Variants in NID1 observed in about 807,000 individuals in gnomAD.
The protein encoded by NID1 is nidogen-1.
A neutral mutation model predicts 130.6 loss-of-function variants in NID1; 76 were observed. That is an observed-to-expected ratio of 0.58 (90% confidence interval 0.48 to 0.70). The LOEUF (loss-of-function observed/expected upper bound fraction) is 0.70. Among genes scored for constraint, NID1 ranks in the 30% least tolerant of loss-of-function variants. The pLI is 0.00. For synonymous variants in NID1, 665 were observed against 675.1 expected (o/e 0.98, Z 0.23); for missense variants, 1,517 against 1,664.8 (o/e 0.91, Z 1.54).
At chr1:236,029,349 G>C (rs1312664699) in intron 7 of NID1, among the ~76,000 whole-genome samples, 1 of 152,158 alleles carries the variant, frequency 6.6e-6, no homozygotes, top group African/African-American at 2.4e-5. Context: ...TAACTCATGC[G>C]TATTGTCTTT....
At chr1:236,008,009 C>T (rs752114905) in intron 12 of NID1, among the ~76,000 whole-genome samples, 21 of 152,314 alleles carry the variant, frequency 1.4e-4, no homozygotes, top group African/African-American at 4.3e-4. Context: ...CACTTAGACA[C>T]GCATACACAT....
Position 236,048,915 on chromosome 1 carries a change from T to A in NID1, c.300A>T (p.Thr100=). ...CCAGGAAAGGGGCGACTGCACCGAA[T>A]GTTGGTGGGAAGAGCCCGGGATGGG... ...KESHPGLFPP[T]FGAVAPFLAD... The change falls in exon 2 of 20, where the codon ACA becomes ACT. Residue 100 remains threonine, a synonymous_variant. Transcript: ENST00000264187. 1 of 1,614,082 alleles carries A rather than the reference T, an allele frequency of 6.2e-7. No individual in the cohort carries two copies. The highest frequency in any genetic ancestry group is 1.3e-5 in the African/African-American group (1 of 75,046).
At chr1:236,010,691 C>A (rs575507632) in intron 12 of NID1, among the ~76,000 whole-genome samples, 2 of 152,336 alleles carry the variant, frequency 1.3e-5, no homozygotes, top group East Asian at 3.9e-4. Context: ...ATAGACTATA[C>A]ATAAGCATGG....
chr1:236,009,263 G>T (rs1282673413), intron 12 of NID1, among the ~76,000 whole-genome samples: 1 of 152,170 alleles, frequency 6.6e-6, no homozygotes, highest in Non-Finnish European at 1.5e-5. Flanking sequence ...ACCATATAAG[G>T]ACTTTGCAGA....
At chr1:236,001,484 A>G (rs1177793888) in intron 12 of NID1, among the ~76,000 whole-genome samples, 1 of 152,172 alleles carries the variant, frequency 6.6e-6, no homozygotes, top group East Asian at 1.9e-4. Flanking sequence ...CAAGACTGCC[A>G]AATTTCCAAG....
chr1:235,993,646 C>T lies in NID1; in HGVS notation c.2754G>A (p.Pro918=). The T allele has an allele frequency of 1.9e-6, 3 of 1,541,638 alleles. No homozygotes were observed. The highest frequency in any genetic ancestry group is 1.8e-6 in the Non-Finnish European group (2 of 1,136,664). Reference sequence around the variant, plus strand: ...CAAGCACGGCCTGCACCCACTTACACGGGGGCGTCATCCCGGGCCTGGTCC... The same window carrying T: ...CAAGCACGGCCTGCACCCACTTACATGGGGGCGTCATCCCGGGCCTGGTCC... ...GTRTRPGMTP[P]CLSTVAPPIH... The change falls in exon 13 of 20, where the codon CCG becomes CCA. Residue 918 remains proline (P), a splice_region_variant and synonymous_variant. Coordinates refer to ENST00000264187, the MANE Select transcript of NID1 (RefSeq NM_002508.3).
chr1:236,023,050 C>T (rs1264576504), intron 9 of NID1, among the ~76,000 whole-genome samples: 2 of 125,928 alleles, frequency 1.6e-5, no homozygotes, highest in Admixed American at 8.3e-5. Flanking sequence ...CACAGCAAGA[C>T]GCCATCTCAA....
At chr1:236,034,422 CAA>C (rs144657585) in intron 5 of NID1, among the ~76,000 whole-genome samples, 12 of 92,594 alleles carry the variant, frequency 1.3e-4, no homozygotes, top group Non-Finnish European at 1.8e-4. Context: ...AACTCCATCT[CAA>C]AAAAAAAAAA....
chr1:236,045,584 T>C lies in NID1; in HGVS notation c.625A>G (p.Lys209Glu). 1 of 1,614,182 alleles carries C rather than the reference T, an allele frequency of 6.2e-7. No homozygotes were observed. Among genetic ancestry groups the C allele is most frequent in the Non-Finnish European group, 8.5e-7 (1 of 1,180,036 alleles). The change falls in exon 3 of 20, where the codon AAG becomes GAG. Residue 209 changes from lysine to glutamate, a missense_variant. By Grantham distance (56) the Lys-to-Glu change is moderately conservative. Around this residue, in one of 3 missense-constraint regions of NID1, gnomAD observed 1,329 missense variants for 1,429.2 expected, o/e 0.93. Coordinates refer to ENST00000264187, the MANE Select transcript of NID1 (RefSeq NM_002508.3). ...GCAGGAACTTGGTTGTTTTCCTTCT[T>C]TGAGAATGTCGTATGGAACTGCAGA... ...DGLQFHTTFS[K>E]KENNQVPAVV...
At position 236,048,769 on chromosome 1, in the gene NID1, G is replaced by A; in HGVS notation, c.446C>T (p.Pro149Leu). The A allele has an allele frequency of 6.2e-7, 1 of 1,613,792 alleles. No individual in the cohort carries two copies. The change falls in exon 2 of 20, where the codon CCT (proline) becomes CTT (leucine). Residue 149 changes from proline (P) to leucine (L), a missense_variant. Transcript: ENST00000264187. ...CCAAGTGACAACCACCGCGCTACTA[G>A]GCTGGAAAGAGATCTCCGGGAACCC... Reference protein sequence around the residue: ...HRGFPEISFQPSSAVVVTWES... With the variant: ...HRGFPEISFQLSSAVVVTWES...
intron 9 of NID1, among the ~76,000 whole-genome samples, chr1:236,021,193 C>T (rs1658750502): frequency 1.3e-5 from 2 of 152,248 alleles, no homozygotes; most frequent in Admixed American, 1.3e-4. Context: ...CACACACACA[C>T]ACAGCATCAT....
At chr1:236,024,039 AG>A in intron 9 of NID1, 30 bp downstream of exon 9, 1 of 1,610,460 alleles carries the variant, frequency 6.2e-7, no homozygotes, top group Non-Finnish European at 8.5e-7. Context: ...CTGATTTCCC[AG>A]CCCCAACAAG....
intron 5 of NID1, among the ~76,000 whole-genome samples, chr1:236,035,213 A>G (rs1345943998): frequency 2.8e-5 from 3 of 109,018 alleles, no homozygotes; most frequent in Non-Finnish European, 5.4e-5. Flanking sequence ...CTCATTGTTC[A>G]ATTCCCACCT....
chr1:235,993,574 C>G (rs1426949296), intron 13 of NID1, 71 bp downstream of exon 13: 2 of 1,290,804 alleles, frequency 1.5e-6, no homozygotes, highest in Non-Finnish European at 2.1e-6. Context: ...GAGCAAAGAG[C>G]GTGTTCAGCA....
At chr1:236,061,090 T>C (rs745776732) in intron 1 of NID1, among the ~76,000 whole-genome samples, 46 of 152,216 alleles carry the variant, frequency 3.0e-4, no homozygotes, top group Non-Finnish European at 5.9e-5. Context: ...AAAACCTCTT[T>C]ACAGAATATG....
chr1:236,049,677 A>T (rs867889367), intron 1 of NID1, among the ~76,000 whole-genome samples: 1 of 152,102 alleles, frequency 6.6e-6, no homozygotes, highest in Non-Finnish European at 1.5e-5. Flanking sequence ...AATAGCTAAT[A>T]TTTACTGAAT....
In NID1 at chr1:236,029,177, CA is replaced by C. The variant is rs9287272; in HGVS notation, c.1738+372del. On this transcript the variant is annotated intron_variant, in intron 7 of 19. Transcript: ENST00000264187. The stretch of plus-strand genomic sequence containing the variant: ...GGGCAACAGGAGTGAAACCCTGTCT[CA>C]AAAAAAAAAAAAAGTACAAATAGAT... Among the ~76,000 whole-genome samples the C allele has an allele frequency of 5.6e-3, 740 of 132,444 alleles. 4 individuals carry two copies. The highest frequency in any genetic ancestry group is 0.011 in the African/African-American group (414 of 38,318). The allele number at this position is 132,444 out of a possible 152,430, so 86.9% of individuals were successfully genotyped here.
chr1:235,981,648 C>T lies in NID1; in HGVS notation c.3190G>A (p.Val1064Met). The change falls in exon 16 of 20, where the codon GTG becomes ATG. Residue 1064 changes from valine to methionine, a missense_variant. Val to Met is a conservative substitution (Grantham distance 21). Transcript: ENST00000264187. The part of the protein sequence containing the change: ...QRRVLFETDL[V>M]NPRGIVTDSV... ...TCCGTTACAATGCCTCTGGGATTCA[C>T]CAAGTCAGTCTCAAAGAGCACCCGG... is the stretch of plus-strand genomic sequence containing the variant. 6.2e-7 allele frequency: 1 copy of T among 1,614,154 alleles called. No individual in the cohort carries two copies. The highest frequency in any genetic ancestry group is 8.5e-7 in the Non-Finnish European group (1 of 1,180,018).
chr1:236,019,658 C>G (rs911532409), intron 9 of NID1, among the ~76,000 whole-genome samples: 1 of 152,182 alleles, frequency 6.6e-6, no homozygotes, highest in Non-Finnish European at 1.5e-5. Flanking sequence ...AGACAACACC[C>G]TTTCTTAAGG....
Sources: allele counts gnomAD v4.1 joint callset (sites outside exome capture counted in the v4.1 genomes callset), GRCh38; gene constraint gnomAD v4.1.1; regional missense constraint gnomAD v4.1.1; transcripts MANE v1.5; gene names NCBI Gene and HGNC (gene_info 2026-07-23, HGNC 2026-07-21).